Variants in SLC2A13 observed in about 807,000 individuals in gnomAD.
SLC2A13 encodes solute carrier family 2 member 13, also known as proton myo-inositol cotransporter.
A neutral mutation model predicts 64.4 loss-of-function variants in SLC2A13; 32 were observed. The observed-to-expected ratio is 0.50, with a 90% CI of 0.37 to 0.67. The LOEUF (loss-of-function observed/expected upper bound fraction) is 0.67, where lower values mean the gene tolerates loss of function less well. Ranked by LOEUF, SLC2A13 falls within the 30% of genes least tolerant of loss-of-function variation. The pLI is 0.00. For missense variants in SLC2A13, 743 were observed against 829.2 expected (o/e 0.90, Z 1.28); for synonymous variants, 338 against 327.1 (o/e 1.03, Z -0.36).
At chr12:39,953,939 C>T (rs1174256785) in intron 3 of SLC2A13, among the ~76,000 whole-genome samples, 3 of 152,144 alleles carry the variant, frequency 2.0e-5, no homozygotes, top group Non-Finnish European at 2.9e-5. Flanking sequence ...TGTCTGTGAA[C>T]CTAGCCTACA....
intron 3 of SLC2A13, among the ~76,000 whole-genome samples, chr12:39,969,436 T>C (rs1197607106): frequency 6.6e-6 from 1 of 152,222 alleles, no homozygotes. Context: ...AGTGTTCCTA[T>C]TTCTCCACAT....
chr12:39,925,914 T>C (rs2136064198), intron 4 of SLC2A13, among the ~76,000 whole-genome samples: 1 of 152,312 alleles, frequency 6.6e-6, no homozygotes, highest in African/African-American at 2.4e-5. Flanking sequence ...TCCTTCTTTG[T>C]CTAAGTTATC....
At chr12:39,998,871 T>C (rs1947277506) in intron 3 of SLC2A13, among the ~76,000 whole-genome samples, 1 of 152,140 alleles carries the variant, frequency 6.6e-6, no homozygotes, top group Admixed American at 6.5e-5. Flanking sequence ...AAATCTCATC[T>C]TGAATTCCCA....
intron 2 of SLC2A13, among the ~76,000 whole-genome samples, chr12:40,033,308 C>T (rs1175077266): frequency 6.6e-6 from 1 of 152,206 alleles, no homozygotes; most frequent in African/African-American, 2.4e-5. Context: ...TTTACCTTAG[C>T]TTCATGTTTA....
intron 2 of SLC2A13, among the ~76,000 whole-genome samples, chr12:40,030,073 C>A (rs537516705): frequency 6.6e-6 from 1 of 152,156 alleles, no homozygotes; most frequent in Non-Finnish European, 1.5e-5. Context: ...CACATAAGCA[C>A]CTGTATATCT....
chr12:40,095,203 G>T (rs893098653), intron 1 of SLC2A13, among the ~76,000 whole-genome samples: 1 of 152,172 alleles, frequency 6.6e-6, no homozygotes, highest in Non-Finnish European at 1.5e-5. Context: ...TCCTAAAAAT[G>T]TCCTTCCATA....
chr12:39,860,581 T>C (rs1943733547), intron 6 of SLC2A13, among the ~76,000 whole-genome samples: 1 of 152,204 alleles, frequency 6.6e-6, no homozygotes, highest in Non-Finnish European at 1.5e-5. Flanking sequence ...ATTCCACATG[T>C]CCAAAATTGC....
At chr12:39,873,933 T>G (rs1944118831) in intron 4 of SLC2A13, among the ~76,000 whole-genome samples, 1 of 152,204 alleles carries the variant, frequency 6.6e-6, no homozygotes. Flanking sequence ...GTACACTGAA[T>G]ATTTATTTAT....
chr12:39,951,389 A>T, intron 3 of SLC2A13, 24 bp from the exon 4 acceptor site: 1 of 1,551,944 alleles, frequency 6.4e-7, no homozygotes, highest in Admixed American at 2.2e-5. Flanking sequence ...GAAAGAAAAA[A>T]AAAATACAAC....
At chr12:40,051,007 A>G (rs184843936) in intron 1 of SLC2A13, among the ~76,000 whole-genome samples, 1 of 152,284 alleles carries the variant, frequency 6.6e-6, no homozygotes, top group East Asian at 1.9e-4. Flanking sequence ...TCTTATTATC[A>G]TCTCTAGTTA....
intron 4 of SLC2A13, among the ~76,000 whole-genome samples, chr12:39,892,162 A>G (rs2135982380): frequency 6.6e-6 from 1 of 152,330 alleles, no homozygotes; most frequent in South Asian, 2.1e-4. Context: ...TGTAAGTAAT[A>G]AAAAGAGCTT....
chr12:40,105,966 C>T lies in SLC2A13; in HGVS notation c.-158G>A. 1 of 916,792 alleles carries T rather than the reference C, an allele frequency of 1.1e-6. No individual in the cohort carries two copies. Among genetic ancestry groups the T allele is most frequent in the African/African-American group, 1.7e-5 (1 of 57,370 alleles). The allele number at this position is 916,792 out of a possible 1,614,324, so 56.8% of individuals were successfully genotyped here. A position where few individuals can be genotyped will look rare whatever the true frequency, so the allele number is the denominator to read the frequency against. ...GCCACGGCAGCAGCCGCCGCCACGGCCGCTCCGGGGAGAAAGTTGCTGCCC... is the reference window on the plus strand; with the variant it reads ...GCCACGGCAGCAGCCGCCGCCACGGTCGCTCCGGGGAGAAAGTTGCTGCCC... On this transcript the variant is annotated 5_prime_UTR_variant, in exon 1 of 10. Transcript: ENST00000280871. The surrounding 1 kb of genome is among the most constrained non-coding windows in gnomAD (Gnocchi z 4.2).
intron 7 of SLC2A13, among the ~76,000 whole-genome samples, chr12:39,768,616 A>G (rs1171954857): frequency 6.6e-6 from 1 of 152,058 alleles, no homozygotes. Flanking sequence ...AAAGAAGGAA[A>G]CAGCTGGTTG....
chr12:39,994,741 A>G lies in SLC2A13; in HGVS notation c.925+33560T>C, dbSNP rs550992145. The stretch of plus-strand genomic sequence containing the variant: ...ATGAATTTACTGTGTGACTCTGAGA[A>G]AGTACCTTAACTTTTCTGGAAATCG... On this transcript the variant is annotated intron_variant, in intron 3 of 9. Coordinates refer to ENST00000280871, the MANE Select transcript of SLC2A13 (RefSeq NM_052885.4). 2.0e-5 allele frequency among the ~76,000 whole-genome samples: 3 copies of G among 152,334 alleles called. No individual in the cohort carries two copies. The South Asian group carries it at 6.2e-4, about 32-fold the overall frequency.
chr12:40,028,813 T>C (rs1413832966), intron 2 of SLC2A13, among the ~76,000 whole-genome samples: 2 of 152,174 alleles, frequency 1.3e-5, no homozygotes, highest in Admixed American at 1.3e-4. Context: ...AAGCAAAACA[T>C]CATAATCACC....
In SLC2A13 at chr12:39,993,940, C is replaced by A. The variant is rs549580737; in HGVS notation, c.925+34361G>T. Among the ~76,000 whole-genome samples, 6 of 152,250 alleles carry A rather than the reference C, an allele frequency of 3.9e-5. No individual in the cohort carries two copies. The South Asian group carries it at 8.3e-4, about 21-fold the overall frequency. The stretch of plus-strand genomic sequence containing the variant: ...AAGCAAGGAGCAAAGGAAACATACA[C>A]AGATTTGTTTAATAATAATAATAAA... On this transcript the variant is annotated intron_variant, in intron 3 of 9. Coordinates refer to ENST00000280871, the MANE Select transcript of SLC2A13 (RefSeq NM_052885.4).
chr12:39,916,742 C>T (rs1945526882), intron 4 of SLC2A13, among the ~76,000 whole-genome samples: 1 of 152,016 alleles, frequency 6.6e-6, no homozygotes, highest in Admixed American at 6.6e-5. Flanking sequence ...TTTAGAAGTC[C>T]TTGTGTTTAA....
chr12:39,760,149 G>C lies in SLC2A13; in HGVS notation c.1824C>G (p.Leu608=). ...CACATGTACATAGCCTGTTGTCAAAGAGTGATTCAATTTCCTCTAATTTTT... is the reference window on the plus strand; with the variant it reads ...CACATGTACATAGCCTGTTGTCAAACAGTGATTCAATTTCCTCTAATTTTT... ...KGKKLEEIES[L]FDNRLCTCGT... The change falls in exon 10 of 10, where the codon CTC becomes CTG. Residue 608 remains leucine, a synonymous_variant. Coordinates refer to ENST00000280871, the MANE Select transcript of SLC2A13 (RefSeq NM_052885.4). The C allele has an allele frequency of 6.2e-7, 1 of 1,612,912 alleles. No homozygotes were observed. Among genetic ancestry groups the C allele is most frequent in the Non-Finnish European group, 8.5e-7 (1 of 1,179,366 alleles).
intron 4 of SLC2A13, among the ~76,000 whole-genome samples, chr12:39,880,428 C>A (rs61931257): frequency 0.052 from 7,899 of 152,130 alleles, 289 homozygotes; most frequent in Non-Finnish European, 0.079. Flanking sequence ...TTATAACATG[C>A]AAGACATAAA....
Sources: gnomAD v4.1 joint callset for allele counts (sites outside exome capture counted in the v4.1 genomes callset) on GRCh38, gnomAD v4.1.1 for gene constraint, Gnocchi (gnomAD v3.1) non-coding constraint, MANE v1.5 for transcripts, NCBI Gene and HGNC (gene_info 2026-07-23, HGNC 2026-07-21) for gene names.